MYRIP: variants seen among roughly 807,000 people sequenced by gnomAD.
The protein encoded by MYRIP is rab effector MyRIP.
In MYRIP, 49 loss-of-function variants were observed where a neutral mutation model predicts 98.0. The observed-to-expected ratio is 0.50, with a 90% confidence interval of 0.40 to 0.63. MYRIP has a LOEUF of 0.63. Ranked by LOEUF, MYRIP falls within the 30% of genes least tolerant of loss-of-function variation. MYRIP has a pLI of 0.00. For missense variants in MYRIP, 1,004 were observed against 1,058.2 expected, an observed-to-expected ratio of 0.95 and a Z score of 0.71; for synonymous variants, 404 against 409.5, an observed-to-expected ratio of 0.99 and a Z score of 0.16.
At position 40,090,670 on chromosome 3, in the gene MYRIP, G is replaced by A. The variant is rs73827313; in HGVS notation, c.332+46399G>A. The stretch of plus-strand genomic sequence containing the variant: ...GTCTAACAAACCTCCTGGCTTATGC[G>A]TTTCTCTGTCCAGGGCTATTTCAGA... On this transcript the variant is annotated intron_variant, in intron 3 of 16. Coordinates refer to ENST00000302541, the MANE Select transcript of MYRIP (RefSeq NM_015460.4). Among the ~76,000 whole-genome samples the A allele has an allele frequency of 5.2e-3, 797 of 152,286 alleles. 6 individuals carry two copies. The highest frequency in any genetic ancestry group is 0.018 in the African/African-American group (746 of 41,560).
At chr3:40,255,599 T>C (rs760187853) in intron 16 of MYRIP, among the ~76,000 whole-genome samples, 1 of 152,170 alleles carries the variant, frequency 6.6e-6, no homozygotes, top group Non-Finnish European at 1.5e-5. Context: ...GAATTCCAGA[T>C]AAAAAGCATT....
intron 2 of MYRIP, among the ~76,000 whole-genome samples, chr3:40,026,940 T>C (rs1947144410): frequency 6.6e-6 from 1 of 152,074 alleles, no homozygotes; most frequent in Non-Finnish European, 1.5e-5. Flanking sequence ...GGCCCTCTTT[T>C]CCCCCTGGCT....
intron 1 of MYRIP, among the ~76,000 whole-genome samples, chr3:39,886,678 G>C (rs1406888463): frequency 6.6e-6 from 1 of 152,016 alleles, no homozygotes; most frequent in East Asian, 1.9e-4. Context: ...GGAGCATCCA[G>C]ATTCATAAAG....
intron 2 of MYRIP, among the ~76,000 whole-genome samples, chr3:40,020,996 T>TC (rs1484165990): frequency 6.6e-6 from 1 of 152,126 alleles, no homozygotes; most frequent in Admixed American, 6.6e-5. Flanking sequence ...AAGCCCCTCT[T>TC]CTCTACCTCC....
At chr3:39,981,089 A>G (rs1257771583) in intron 2 of MYRIP, among the ~76,000 whole-genome samples, 1 of 152,196 alleles carries the variant, frequency 6.6e-6, no homozygotes, top group Non-Finnish European at 1.5e-5. Flanking sequence ...CATAAGTGTC[A>G]TGGAATTTTG....
At chr3:39,827,910 A>G (rs1171326162) in intron 1 of MYRIP, among the ~76,000 whole-genome samples, 1 of 151,972 alleles carries the variant, frequency 6.6e-6, no homozygotes, top group East Asian at 1.9e-4. Context: ...TGGATATATC[A>G]TTCCATTCTC....
At chr3:40,116,048 G>A (rs1444092616) in intron 3 of MYRIP, among the ~76,000 whole-genome samples, 1 of 152,196 alleles carries the variant, frequency 6.6e-6, no homozygotes, top group Non-Finnish European at 1.5e-5. Flanking sequence ...GTGGTGAAGA[G>A]TCTGAATTCC....
chr3:40,207,558 G>A (rs1176355483), intron 10 of MYRIP, among the ~76,000 whole-genome samples: 1 of 151,982 alleles, frequency 6.6e-6, no homozygotes, highest in Non-Finnish European at 1.5e-5. Flanking sequence ...TTGGATAGAT[G>A]TCTCCCTTTA....
intron 10 of MYRIP, among the ~76,000 whole-genome samples, chr3:40,198,257 A>C (rs1229984615): frequency 3.3e-5 from 5 of 152,216 alleles, no homozygotes; most frequent in African/African-American, 1.2e-4. Context: ...ATGCTTAAAA[A>C]GTCCCACTGC....
chr3:39,812,048 G>A (rs1324265678), intron 1 of MYRIP, among the ~76,000 whole-genome samples: 1 of 152,052 alleles, frequency 6.6e-6, no homozygotes, highest in East Asian at 1.9e-4. Context: ...ATCAGACCTT[G>A]GTGAATTTAA....
intron 1 of MYRIP, among the ~76,000 whole-genome samples, chr3:39,816,328 C>T (rs1371933419): frequency 3.3e-5 from 5 of 152,124 alleles, no homozygotes; most frequent in South Asian, 2.1e-4. Context: ...ATGATCCACC[C>T]GCCTCGGCCT....
Position 40,238,356 on chromosome 3 carries a change from G to A in MYRIP, c.2100+4303G>A, listed in dbSNP as rs1013168762. On this transcript the variant is annotated intron_variant, in intron 12 of 16. Transcript: ENST00000302541. ...GGAATTCAGCTGAGCAGTGGGAGAA[G>A]CCAGGGCAGTTCTTAAACTGTCCTC... Among the ~76,000 whole-genome samples the A allele has an allele frequency of 1.2e-4, 19 of 152,338 alleles. No individual in the cohort carries two copies. In the East Asian group the frequency reaches 3.1e-3, roughly 25 times the overall value.
intron 2 of MYRIP, among the ~76,000 whole-genome samples, chr3:40,022,940 C>T (rs901928597): frequency 6.6e-6 from 1 of 152,078 alleles, no homozygotes; most frequent in African/African-American, 2.4e-5. Context: ...AGTTACAGAT[C>T]CTAGGCAAAA....
At chr3:40,034,459 GAC>G (rs1486154607) in intron 2 of MYRIP, among the ~76,000 whole-genome samples, 77 of 151,970 alleles carry the variant, frequency 5.1e-4, no homozygotes, top group Middle Eastern at 3.4e-3. Context: ...GCAGCCAAAA[GAC>G]ACATGAAAAA....
At chr3:39,834,420 T>A (rs537201169) in intron 1 of MYRIP, among the ~76,000 whole-genome samples, 3 of 152,200 alleles carry the variant, frequency 2.0e-5, no homozygotes, top group African/African-American at 7.2e-5. Flanking sequence ...AACAAAACAC[T>A]TTGTCGATGT....
chr3:39,877,429 A>G (rs1447450434), intron 1 of MYRIP, among the ~76,000 whole-genome samples: 1 of 151,782 alleles, frequency 6.6e-6, no homozygotes, highest in Non-Finnish European at 1.5e-5. Flanking sequence ...TGCTTTTTAG[A>G]GTTTCCAGTT....
chr3:39,910,171 G>A (rs1214412735), intron 2 of MYRIP, among the ~76,000 whole-genome samples: 1 of 152,190 alleles, frequency 6.6e-6, no homozygotes. Context: ...TTACAGGCCT[G>A]AGCCACCATG....
At chr3:40,108,878 C>T (rs1221916495) in intron 3 of MYRIP, among the ~76,000 whole-genome samples, 1 of 152,132 alleles carries the variant, frequency 6.6e-6, no homozygotes, top group Non-Finnish European at 1.5e-5. Context: ...CTTTCAGATG[C>T]AAACCAACCA....
chr3:40,031,455 A>C (rs1409140920), intron 2 of MYRIP, among the ~76,000 whole-genome samples: 28 of 152,136 alleles, frequency 1.8e-4, no homozygotes, highest in Admixed American at 1.8e-3. Flanking sequence ...AGAGGCTGCA[A>C]TGCTAATTTC....
Sources: allele counts gnomAD v4.1 joint callset (sites outside exome capture counted in the v4.1 genomes callset), GRCh38; gene constraint gnomAD v4.1.1; transcripts MANE v1.5; gene names NCBI Gene and HGNC (gene_info 2026-07-23, HGNC 2026-07-21).